PPM1B: variants seen among roughly 807,000 people sequenced by gnomAD.
PPM1B encodes protein phosphatase 1B.
PPM1B carries 22 observed loss-of-function variants against 43.0 expected under a neutral mutation model. The observed-to-expected ratio is 0.51, with a 90% CI of 0.37 to 0.73. The LOEUF is 0.73. Ranked by LOEUF, PPM1B falls within the 30% of genes least tolerant of loss-of-function variation. PPM1B has a pLI of 0.00. For missense variants in PPM1B, 632 were observed against 584.2 expected (o/e 1.08, Z -0.84); for synonymous variants, 217 against 197.9 (o/e 1.10, Z -0.81).
chr2:44,181,781 C>G (rs10199294), intron 1 of PPM1B, among the ~76,000 whole-genome samples: 25,828 of 151,986 alleles, frequency 0.17, 2,841 homozygotes, highest in East Asian at 0.47. Flanking sequence ...CATAACCAAG[C>G]TTTGTGTTTA....
chr2:44,195,034 G>A (rs1668595175), intron 1 of PPM1B, among the ~76,000 whole-genome samples: 1 of 151,480 alleles, frequency 6.6e-6, no homozygotes, highest in Non-Finnish European at 1.5e-5. Flanking sequence ...TGGGATGACA[G>A]GCGCTTGCCA....
At chr2:44,183,610 A>G (rs1296958507) in intron 1 of PPM1B, among the ~76,000 whole-genome samples, 1 of 152,238 alleles carries the variant, frequency 6.6e-6, no homozygotes, top group Admixed American at 6.5e-5. Context: ...ACATAAGTAC[A>G]TTGAAGGGCA....
rs1287209258 is a variant in PPM1B at position 44,199,318 on chromosome 2, TAAAA to T, written c.-14-1866_-14-1863del. Among the ~76,000 whole-genome samples, 6 of 69,126 alleles carry T rather than the reference TAAAA, an allele frequency of 8.7e-5. No homozygotes were observed. The South Asian group carries it at 3.0e-3, about 34-fold the overall frequency. 45.3% of individuals were successfully genotyped at this position (69,126 alleles called of 152,430 possible). A position where few individuals can be genotyped will look rare whatever the true frequency, so the allele number is the denominator to read the frequency against. On this transcript the variant is annotated intron_variant, in intron 1 of 5. Coordinates refer to ENST00000282412, the MANE Select transcript of PPM1B (RefSeq NM_002706.6). ...CTGTAGATCTCAAAAAAAAAAAAAA[TAAAA>T]ATAAAAAAAAAAAAAATTGAGCCAG...
downstream of PPM1B, among the ~76,000 whole-genome samples, chr2:44,236,401 T>TAAAAAAAAAAAA (rs1670612464): frequency 9.8e-5 from 1 of 10,238 alleles, no homozygotes; most frequent in African/African-American, 3.4e-4. Context: ...AGACTCCGTC[T>TAAAAAAAAAAAA]CAAAAAAAAA....
intron 5 of PPM1B, among the ~76,000 whole-genome samples, chr2:44,228,112 T>G (rs373853716): frequency 8.6e-5 from 13 of 150,880 alleles, no homozygotes; most frequent in Admixed American, 2.0e-4. Context: ...TTAGTAGAGA[T>G]AGGGTTTCAC....
chr2:44,169,277 A>G lies in PPM1B; in HGVS notation c.-15+3A>G, dbSNP rs540978293. On this transcript the variant is annotated splice_donor_region_variant and intron_variant, in intron 1 of 5. Transcript: ENST00000282412. ...ATCTTCTCCCTCCCTTGCCTCAGGT[A>G]AGGCCGCCCGGCACCCCGCCGGAGG... 2 of 152,676 alleles carry G rather than the reference A, an allele frequency of 1.3e-5. No homozygotes were observed. The highest frequency in any genetic ancestry group is 2.0e-4 in the South Asian group (1 of 5,102). 9.5% of individuals were successfully genotyped at this position (152,676 alleles called of 1,614,324 possible). A position where few individuals can be genotyped will look rare whatever the true frequency, so the allele number is the denominator to read the frequency against.
At chr2:44,212,089 G>GA (rs948583440) in intron 3 of PPM1B, among the ~76,000 whole-genome samples, 4 of 152,054 alleles carry the variant, frequency 2.6e-5, no homozygotes, top group African/African-American at 7.2e-5. Flanking sequence ...TTACTGCAAG[G>GA]AAAAATGTTC....
intron 1 of PPM1B, among the ~76,000 whole-genome samples, chr2:44,199,317 A>T (rs1344148287): frequency 4.1e-5 from 4 of 98,274 alleles, no homozygotes; most frequent in Admixed American, 8.9e-5. Context: ...AAAAAAAAAA[A>T]TAAAAATAAA....
At chr2:44,228,127 T>G (rs1213931902) in intron 5 of PPM1B, among the ~76,000 whole-genome samples, 1 of 151,364 alleles carries the variant, frequency 6.6e-6, no homozygotes, top group Non-Finnish European at 1.5e-5. Flanking sequence ...TTTCACCATC[T>G]TGGCCAGGCT....
chr2:44,226,932 TTTTATTTATTTATTTATTTA>T (rs566508514), intron 5 of PPM1B, among the ~76,000 whole-genome samples: 4 of 135,028 alleles, frequency 3.0e-5, no homozygotes, highest in African/African-American at 8.1e-5. Context: ...ATGGGAAACT[TTTTATTTATTTATTTATTTA>T]TTTATTTATT....
intron 3 of PPM1B, among the ~76,000 whole-genome samples, chr2:44,214,169 G>A (rs115269689): frequency 3.2e-3 from 490 of 152,238 alleles, no homozygotes; most frequent in African/African-American, 0.011. Context: ...AAGCTTAGCT[G>A]CCCGGGTTCA....
chr2:44,192,388 G>A (rs1668450490), intron 1 of PPM1B, among the ~76,000 whole-genome samples: 1 of 151,950 alleles, frequency 6.6e-6, no homozygotes, highest in Non-Finnish European at 1.5e-5. Context: ...GCTAATTTTT[G>A]TATTTTCAGT....
At chr2:44,215,277 C>T (rs951508706) in intron 3 of PPM1B, among the ~76,000 whole-genome samples, 7 of 152,156 alleles carry the variant, frequency 4.6e-5, no homozygotes, top group African/African-American at 1.2e-4. Flanking sequence ...AGACCAGCCT[C>T]GGCATCATAG....
chr2:44,229,656 T>C (rs181967497), intron 5 of PPM1B, among the ~76,000 whole-genome samples: 9 of 152,342 alleles, frequency 5.9e-5, no homozygotes, highest in Middle Eastern at 3.4e-3. Flanking sequence ...CTGTACTTTA[T>C]AATGCATCAT....
chr2:44,171,515 G>A (rs1342121361), intron 1 of PPM1B, among the ~76,000 whole-genome samples: 1 of 152,162 alleles, frequency 6.6e-6, no homozygotes, highest in African/African-American at 2.4e-5. Flanking sequence ...ATCACTTAGT[G>A]ATTGTGGTGA....
In PPM1B at chr2:44,218,497, C is replaced by G. The variant is rs1276857735; in HGVS notation, c.1094C>G (p.Ala365Gly). 2 of 1,581,538 alleles carry G rather than the reference C, an allele frequency of 1.3e-6. No homozygotes were observed. The highest frequency in any genetic ancestry group is 2.8e-5 in the African/African-American group (2 of 72,516). ...GLAGKRNVIEAVYSRLNPHRE... is the reference protein window; with the variant it reads ...GLAGKRNVIEGVYSRLNPHRE... ...TTTTTTAGGCGTAATGTTATTGAAG[C>G]TGTTTATAGTAGACTGAATCCACAT... is the stretch of plus-strand genomic sequence containing the variant. The change falls in exon 5 of 6, where the codon GCT (alanine) becomes GGT (glycine). Residue 365 changes from alanine to glycine, a missense_variant. Physicochemically the swap from Ala to Gly is moderately conservative, Grantham distance 60. Around this residue, in one of 3 missense-constraint regions of PPM1B, gnomAD observed 392 missense variants for 302.7 expected, o/e 1.29. Coordinates refer to ENST00000282412, the MANE Select transcript of PPM1B (RefSeq NM_002706.6).
At chr2:44,173,743 G>C (rs1306616070) in intron 1 of PPM1B, among the ~76,000 whole-genome samples, 1 of 152,150 alleles carries the variant, frequency 6.6e-6, no homozygotes, top group Non-Finnish European at 1.5e-5. Flanking sequence ...AGGAGTTCGA[G>C]ACTAGCCTGG....
intron 1 of PPM1B, among the ~76,000 whole-genome samples, chr2:44,183,113 C>T (rs1395467832): frequency 6.6e-6 from 1 of 152,154 alleles, no homozygotes; most frequent in Non-Finnish European, 1.5e-5. Context: ...GCCTGTTTTC[C>T]TTTTGCTTCC....
At chr2:44,183,553 C>T (rs1667982357) in intron 1 of PPM1B, among the ~76,000 whole-genome samples, 1 of 152,148 alleles carries the variant, frequency 6.6e-6, no homozygotes, top group Admixed American at 6.5e-5. Context: ...AAAAGGCCTG[C>T]CTCCTCATCA....
Sources: allele counts gnomAD v4.1 joint callset (sites outside exome capture counted in the v4.1 genomes callset), GRCh38; gene constraint gnomAD v4.1.1; regional missense constraint gnomAD v4.1.1; transcripts MANE v1.5; gene names NCBI Gene and HGNC (gene_info 2026-07-23, HGNC 2026-07-21).